The following MET variants were observed in gnomAD, a reference collection of about 807,000 sequenced individuals.
MET encodes the protein MET proto-oncogene, receptor tyrosine kinase, also known as hepatocyte growth factor receptor.
A neutral mutation model predicts 133.1 loss-of-function variants in MET; 48 were observed. The observed-to-expected ratio is 0.36, with a 90% CI of 0.29 to 0.46. The LOEUF (loss-of-function observed/expected upper bound fraction) is 0.46, where lower values mean the gene tolerates loss of function less well. Ranked by LOEUF, MET falls within the 20% of genes least tolerant of loss-of-function variation. The pLI, the probability that MET is intolerant of heterozygous loss-of-function variation, is 1.00. For missense variants in MET, 1,442 were observed against 1,695.9 expected (o/e 0.85, Z 2.63); for synonymous variants, 628 against 616.5 (o/e 1.02, Z -0.28).
At chr7:116,688,289 A>G (rs1050476709) in intron 1 of MET, among the ~76,000 whole-genome samples, 1 of 151,950 alleles carries the variant, frequency 6.6e-6, no homozygotes, top group African/African-American at 2.4e-5. Flanking sequence ...TTGCGGATTT[A>G]TGTTATTCAG....
chr7:116,715,668 C>T (rs1370588027), intron 2 of MET, among the ~76,000 whole-genome samples: 1 of 152,146 alleles, frequency 6.6e-6, no homozygotes, highest in Non-Finnish European at 1.5e-5. Context: ...TTCATTTAAG[C>T]CTCAAAACAA....
intron 19 of MET, among the ~76,000 whole-genome samples, chr7:116,786,171 A>C (rs762895764): frequency 5.3e-5 from 8 of 152,238 alleles, no homozygotes; most frequent in Non-Finnish European, 8.8e-5. Flanking sequence ...CTGTGTCCTC[A>C]CATGGCTAAA....
At chr7:116,752,374 A>G (rs919208026) in intron 5 of MET, among the ~76,000 whole-genome samples, 12 of 152,314 alleles carry the variant, frequency 7.9e-5, no homozygotes, top group Admixed American at 6.5e-4. Flanking sequence ...GTGAAAAGAC[A>G]AGGGCTACTT....
Position 116,691,870 on chromosome 7 carries a change from T to C in MET, c.-14-7201T>C, listed in dbSNP as rs540108460. On this transcript the variant is annotated intron_variant, in intron 1 of 20. Coordinates refer to ENST00000397752, the MANE Select transcript of MET (RefSeq NM_000245.4). The stretch of plus-strand genomic sequence containing the variant: ...TCCGTGTCAAGAGAACAGAGTTCGT[T>C]GAAAGGCCAGCCTGGTTTGCACACT... Among the ~76,000 whole-genome samples the C allele has an allele frequency of 2.6e-5, 4 of 152,330 alleles. No individual in the cohort carries two copies. In the South Asian group the frequency reaches 8.3e-4, roughly 32 times the overall value.
intron 5 of MET, among the ~76,000 whole-genome samples, chr7:116,747,344 G>A (rs191857662): frequency 6.6e-4 from 101 of 152,182 alleles, no homozygotes; most frequent in African/African-American, 2.2e-3. Flanking sequence ...ATTGGATAAA[G>A]AGTCAAGACC....
At position 116,769,782 on chromosome 7, in the gene MET, A is replaced by G. The variant is rs904559594; in HGVS notation, c.2721A>G (p.Leu907=). The G allele has an allele frequency of 1.2e-6, 2 of 1,613,804 alleles. No homozygotes were observed. The highest frequency in any genetic ancestry group is 1.7e-6 in the Non-Finnish European group (2 of 1,179,776). Residue 907 remains leucine (L), a synonymous_variant, in exon 12 of 21, where the codon CTA becomes CTG. Coordinates refer to ENST00000397752, the MANE Select transcript of MET (RefSeq NM_000245.4). Reference sequence around the variant, plus strand: ...ACCTGCTGAAATTGAACAGCGAGCTAAATATAGAGGTGGGATTCCTGCATT... The same window carrying G: ...ACCTGCTGAAATTGAACAGCGAGCTGAATATAGAGGTGGGATTCCTGCATT... ...PNDLLKLNSE[L]NIEWKQAISS... is the part of the protein sequence containing the mutation.
At chr7:116,768,384 C>T (rs1311187997) in intron 11 of MET, among the ~76,000 whole-genome samples, 1 of 152,162 alleles carries the variant, frequency 6.6e-6, no homozygotes, top group East Asian at 1.9e-4. Flanking sequence ...ACCTAGCCAA[C>T]AAGTTGTCGT....
intron 16 of MET, among the ~76,000 whole-genome samples, chr7:116,778,040 T>G (rs1198937338): frequency 1.3e-5 from 2 of 152,240 alleles, no homozygotes. Context: ...GGAACATTAC[T>G]TAAAATTTTA....
At chr7:116,784,028 C>T (rs903619786) in intron 19 of MET, among the ~76,000 whole-genome samples, 4 of 152,234 alleles carry the variant, frequency 2.6e-5, no homozygotes, top group Admixed American at 2.6e-4. Context: ...AGATTCACCA[C>T]ATTCCCCTTC....
chr7:116,797,480 C>G lies in MET; in HGVS notation c.*1356C>G, dbSNP rs1298950610. The G allele has an allele frequency of 4.4e-6, 1 of 229,082 alleles. No individual in the cohort carries two copies. The highest frequency in any genetic ancestry group is 8.7e-6 in the Non-Finnish European group (1 of 115,448). 14.2% of individuals were successfully genotyped at this position (229,082 alleles called of 1,614,324 possible). A position where few individuals can be genotyped will look rare whatever the true frequency, so the allele number is the denominator to read the frequency against. ...TGAAAAAGGCAATTGAAAATCCCAG[C>G]TATTTCACCTAGATGGAATAGCCAC... On this transcript the variant is annotated 3_prime_UTR_variant, in exon 21 of 21. Coordinates refer to ENST00000397752, the MANE Select transcript of MET (RefSeq NM_000245.4).
At chr7:116,739,713 C>G (rs1234386547) in intron 3 of MET, among the ~76,000 whole-genome samples, 3 of 152,036 alleles carry the variant, frequency 2.0e-5, no homozygotes, top group South Asian at 2.1e-4. Context: ...GATCTCTTTC[C>G]CTTGAAACCA....
chr7:116,672,656 C>T (rs1016016129), intron 1 of MET, 79 bp downstream of exon 1: 34 of 373,988 alleles, frequency 9.1e-5, no homozygotes, highest in African/African-American at 6.7e-4. Flanking sequence ...CCCTAAGAGA[C>T]CTGACTGCTG....
At chr7:116,779,730 AAAG>A (rs1191742801) in intron 17 of MET, among the ~76,000 whole-genome samples, 3 of 152,222 alleles carry the variant, frequency 2.0e-5, no homozygotes, top group African/African-American at 7.2e-5. Flanking sequence ...ATTAAAAAAA[AAAG>A]AAGGTGAAAT....
chr7:116,687,606 T>C (rs945211485), intron 1 of MET, among the ~76,000 whole-genome samples: 2 of 152,202 alleles, frequency 1.3e-5, no homozygotes, highest in Non-Finnish European at 2.9e-5. Flanking sequence ...TTCTAACAAT[T>C]CTTGTCTACT....
chr7:116,732,116 T>C (rs1793035997), intron 3 of MET, among the ~76,000 whole-genome samples: 1 of 152,224 alleles, frequency 6.6e-6, no homozygotes, highest in South Asian at 2.1e-4. Flanking sequence ...GTGGCATTTT[T>C]TTTCCATTTA....
intron 6 of MET, 34 bp from the exon 7 acceptor site, chr7:116,757,403 T>C: frequency 6.4e-7 from 1 of 1,561,442 alleles, no homozygotes; most frequent in South Asian, 1.1e-5. Context: ...TTCCTTGGAT[T>C]TGTCATGTAT....
intron 2 of MET, among the ~76,000 whole-genome samples, chr7:116,728,370 C>G (rs141836842): frequency 6.6e-6 from 1 of 152,282 alleles, no homozygotes; most frequent in African/African-American, 2.4e-5. Flanking sequence ...AGAGATCTCA[C>G]TAATTCCTGT....
intron 1 of MET, among the ~76,000 whole-genome samples, chr7:116,679,490 A>G (rs1796273913): frequency 6.6e-6 from 1 of 152,174 alleles, no homozygotes; most frequent in East Asian, 1.9e-4. Context: ...CTGAAAATTG[A>G]TTTTCCCCCT....
At chr7:116,762,786 T>C (rs1385220808) in intron 10 of MET, among the ~76,000 whole-genome samples, 1 of 152,038 alleles carries the variant, frequency 6.6e-6, no homozygotes, top group Non-Finnish European at 1.5e-5. Context: ...GAAAATAAAA[T>C]GATGAGATGA....
Sources: allele counts gnomAD v4.1 joint callset (sites outside exome capture counted in the v4.1 genomes callset), GRCh38; gene constraint gnomAD v4.1.1; transcripts MANE v1.5; gene names NCBI Gene and HGNC (gene_info 2026-07-23, HGNC 2026-07-21).